SLC12A7: variants seen among roughly 807,000 people sequenced by gnomAD.
The protein encoded by SLC12A7 is solute carrier family 12 member 7.
SLC12A7 carries 100 observed loss-of-function variants against 120.6 expected under a neutral mutation model. The observed-to-expected ratio is 0.83, with a 90% CI of 0.71 to 0.98. The LOEUF (loss-of-function observed/expected upper bound fraction) is 0.98, where lower values mean the gene tolerates loss of function less well. Ranked by LOEUF, SLC12A7 falls within the 50% of genes least tolerant of loss-of-function variation. The pLI is 0.00. For synonymous variants in SLC12A7, 760 were observed against 678.0 expected (o/e 1.12, Z -1.88); for missense variants, 1,373 against 1,548.1 (o/e 0.89, Z 1.90).
At chr5:1,106,345 C>T (rs1289478018) in intron 1 of SLC12A7, among the ~76,000 whole-genome samples, 1 of 149,906 alleles carries the variant, frequency 6.7e-6, no homozygotes, top group African/African-American at 2.5e-5. Context: ...CCCCGCTACT[C>T]GGGAGGCTGA....
intron 3 of SLC12A7, among the ~76,000 whole-genome samples, chr5:1,090,225 C>T (rs921520352): frequency 1.3e-5 from 2 of 152,308 alleles, no homozygotes; most frequent in African/African-American, 2.4e-5. Context: ...GTCACCGTGC[C>T]GGAACGCCTC....
chr5:1,081,102 A>G (rs1054821912), intron 9 of SLC12A7, among the ~76,000 whole-genome samples: 1 of 18,548 alleles, frequency 5.4e-5, no homozygotes, highest in Admixed American at 1.3e-3. Flanking sequence ...GGAAAAGGGT[A>G]GGGGGAGAGA....
At chr5:1,114,854 A>C (rs1311249752), upstream of SLC12A7, among the ~76,000 whole-genome samples, 3 of 152,194 alleles carry the variant, frequency 2.0e-5, no homozygotes, top group Non-Finnish European at 4.4e-5. Context: ...TTCATGGAGC[A>C]AAATGGTGAT....
At chr5:1,114,957 G>T (rs11954799), upstream of SLC12A7, among the ~76,000 whole-genome samples, 6 of 152,208 alleles carry the variant, frequency 3.9e-5, no homozygotes, top group East Asian at 9.7e-4. Context: ...CCACAGGAAA[G>T]GCAGGGCAAG....
the SLC12A7 span, among the ~76,000 whole-genome samples, chr5:1,129,847 GGAA>G: frequency 6.6e-6 from 1 of 152,310 alleles, no homozygotes; most frequent in Middle Eastern, 3.4e-3. Context: ...TGATTCAAGA[GGAA>G]AAGAACGCCC....
intron 3 of SLC12A7, among the ~76,000 whole-genome samples, chr5:1,090,787 A>T (rs1386940400): frequency 1.3e-5 from 2 of 152,184 alleles, no homozygotes; most frequent in Non-Finnish European, 2.9e-5. Flanking sequence ...CTGACTCCTC[A>T]CGGAAGGGCA....
intron 3 of SLC12A7, 119 bp from the exon 4 acceptor site, chr5:1,089,247 G>A (rs541276746): frequency 3.9e-5 from 43 of 1,101,002 alleles, no homozygotes; most frequent in Non-Finnish European, 4.9e-5. Flanking sequence ...GAGGGGGCAG[G>A]AGTCCTTCCC....
upstream of SLC12A7, among the ~76,000 whole-genome samples, chr5:1,115,073 C>T (rs950400019): frequency 6.6e-6 from 1 of 152,220 alleles, no homozygotes; most frequent in East Asian, 1.9e-4. Flanking sequence ...GGGTCTCAGT[C>T]GATCACCATT....
chr5:1,088,962 C>A lies in SLC12A7; in HGVS notation c.489+20G>T. The A allele has an allele frequency of 6.2e-7, 1 of 1,612,384 alleles. No homozygotes were observed. The highest frequency in any genetic ancestry group is 8.5e-7 in the Non-Finnish European group (1 of 1,179,816). On this transcript the variant is annotated intron_variant, in intron 4 of 23. Coordinates refer to ENST00000264930, the MANE Select transcript of SLC12A7 (RefSeq NM_006598.3). ...GCCACCGCCCGAAGGCACAGCCACACCTGGCCGGGGGAGACTCACACATGT... is the reference window on the plus strand; with the variant it reads ...GCCACCGCCCGAAGGCACAGCCACAACTGGCCGGGGGAGACTCACACATGT...
chr5:1,142,582 G>C, the SLC12A7 span, among the ~76,000 whole-genome samples: 2 of 134,674 alleles, frequency 1.5e-5, no homozygotes, highest in Non-Finnish European at 3.1e-5. Context: ...TTCTGTCTCT[G>C]TCCATCTGTC....
At chr5:1,106,933 C>T (rs949243702) in intron 1 of SLC12A7, among the ~76,000 whole-genome samples, 1 of 152,198 alleles carries the variant, frequency 6.6e-6, no homozygotes, top group Admixed American at 6.5e-5. Context: ...AAGGACAGAA[C>T]CAGGAGTTGC....
intron 11 of SLC12A7, 150 bp downstream of exon 11, chr5:1,078,551 C>A: frequency 1.5e-6 from 1 of 689,124 alleles, no homozygotes. Flanking sequence ...ACACATCAGA[C>A]CAAGGGATCC....
chr5:1,082,786 G>A (rs1446321823), intron 8 of SLC12A7, among the ~76,000 whole-genome samples: 2 of 144,302 alleles, frequency 1.4e-5, no homozygotes, highest in East Asian at 2.1e-4. Flanking sequence ...TGGAAAGCCT[G>A]GGCTTCCCGT....
chr5:1,147,696 C>T, the SLC12A7 span, among the ~76,000 whole-genome samples: 1 of 152,216 alleles, frequency 6.6e-6, no homozygotes, highest in African/African-American at 2.4e-5. Flanking sequence ...TGTATACTTT[C>T]CATGTACTGA....
In SLC12A7 at chr5:1,052,255, G is replaced by A. The variant is rs769401201; in HGVS notation, c.*105C>T. ...CATGGGCAGCTTGGGCGGCATCACT[G>A]GGGGACAGGTGTGTCTGCCGTCTGT... On this transcript the variant is annotated 3_prime_UTR_variant, in exon 24 of 24. Coordinates refer to ENST00000264930, the MANE Select transcript of SLC12A7 (RefSeq NM_006598.3). The A allele has an allele frequency of 9.3e-6, 9 of 968,594 alleles. No homozygotes were observed. Among genetic ancestry groups the A allele is most frequent in the Non-Finnish European group, 1.3e-5 (8 of 602,750 alleles). The allele number at this position is 968,594 out of a possible 1,614,324, so 60.0% of individuals were successfully genotyped here. A position where few individuals can be genotyped will look rare whatever the true frequency, so the allele number is the denominator to read the frequency against.
the SLC12A7 span, among the ~76,000 whole-genome samples, chr5:1,153,270 A>T: frequency 6.6e-5 from 10 of 152,210 alleles, no homozygotes; most frequent in African/African-American, 1.4e-4. Flanking sequence ...AGAGGAGATG[A>T]GGTGGGTGGG....
At chr5:1,140,590 C>T in the SLC12A7 span, among the ~76,000 whole-genome samples, 1 of 152,320 alleles carries the variant, frequency 6.6e-6, no homozygotes, top group Admixed American at 6.5e-5. Flanking sequence ...CAGGACGGTG[C>T]CAGCATGCCC....
chr5:1,136,155 G>A, the SLC12A7 span, among the ~76,000 whole-genome samples: 1,265 of 152,298 alleles, frequency 8.3e-3, 17 homozygotes, highest in South Asian at 0.035. Flanking sequence ...AATCGTGGCC[G>A]TCTCTGCTCC....
At chr5:1,058,963 G>A (rs1027624349) in intron 21 of SLC12A7, among the ~76,000 whole-genome samples, 4 of 152,218 alleles carry the variant, frequency 2.6e-5, no homozygotes, top group African/African-American at 9.6e-5. Flanking sequence ...CGAGCTTGCT[G>A]TTCCCGCTCC....
Sources: gnomAD v4.1 joint callset for allele counts (sites outside exome capture counted in the v4.1 genomes callset) on GRCh38, gnomAD v4.1.1 for gene constraint, MANE v1.5 for transcripts, NCBI Gene and HGNC (gene_info 2026-07-23, HGNC 2026-07-21) for gene names.